ORC4: variants seen among roughly 807,000 people sequenced by gnomAD.
ORC4 encodes origin recognition complex subunit 4.
In ORC4, 55 loss-of-function variants were observed where a neutral mutation model predicts 63.9. The observed-to-expected ratio is 0.86, with a 90% CI of 0.69 to 1.08. The LOEUF is 1.08. Among genes scored for constraint, ORC4 ranks in the 50% least tolerant of loss-of-function variants. ORC4 has a pLI of 0.00. For synonymous variants in ORC4, 150 were observed against 168.5 expected (o/e 0.89, Z 0.85); for missense variants, 511 against 504.4 (o/e 1.01, Z -0.13).
chr2:148,015,684 T>C (rs1328932930), intron 1 of ORC4, among the ~76,000 whole-genome samples: 2 of 152,108 alleles, frequency 1.3e-5, no homozygotes, highest in South Asian at 2.1e-4. Flanking sequence ...CTTTTTTTTT[T>C]TGGCTAATGA....
rs557036971 is a variant in ORC4 at position 147,971,312 on chromosome 2, A to C, written c.225+1427T>G. 1.7e-3 allele frequency among the ~76,000 whole-genome samples: 255 copies of C among 151,732 alleles called. 4 individuals carry two copies. The highest frequency in any genetic ancestry group is 2.8e-4 in the Non-Finnish European group (19 of 67,846). On this transcript the variant is annotated intron_variant, in intron 4 of 13. Coordinates refer to ENST00000392857, the MANE Select transcript of ORC4 (RefSeq NM_181741.4). ...AGTATGAAAAGAATAATATTCTTTT[A>C]ATATTATGAAATAATATTAATAGTA...
chr2:147,946,597 T>C (rs983533452), intron 9 of ORC4, among the ~76,000 whole-genome samples: 1 of 152,036 alleles, frequency 6.6e-6, no homozygotes, highest in Admixed American at 6.6e-5. Context: ...GTAATTGAAA[T>C]ACCCGAGTCT....
At chr2:148,001,429 G>A (rs1692299567) in intron 1 of ORC4, among the ~76,000 whole-genome samples, 1 of 152,106 alleles carries the variant, frequency 6.6e-6, no homozygotes, top group Non-Finnish European at 1.5e-5. Context: ...AGCCCTATAA[G>A]CCAGAAGAGA....
At chr2:147,994,330 T>C (rs1691805082) in intron 1 of ORC4, among the ~76,000 whole-genome samples, 1 of 152,186 alleles carries the variant, frequency 6.6e-6, no homozygotes, top group Admixed American at 6.5e-5. Flanking sequence ...TTCTGGATAG[T>C]TATTTTGTGG....
chr2:147,946,102 A>T (rs1420866806), intron 9 of ORC4, among the ~76,000 whole-genome samples: 1 of 152,110 alleles, frequency 6.6e-6, no homozygotes, highest in African/African-American at 2.4e-5. Flanking sequence ...TTATGCTACT[A>T]ACACATGGTT....
At chr2:147,972,961 G>A (rs1458241378) in intron 3 of ORC4, 132 bp from the exon 4 acceptor site, 1 of 638,320 alleles carries the variant, frequency 1.6e-6, no homozygotes, top group African/African-American at 1.8e-5. Context: ...ACTTGGCCTA[G>A]CTTCTGAATG....
intron 1 of ORC4, among the ~76,000 whole-genome samples, chr2:148,009,631 G>A (rs1692832792): frequency 1.3e-5 from 2 of 152,088 alleles, no homozygotes; most frequent in South Asian, 4.1e-4. Flanking sequence ...AATGACTTGG[G>A]ACTTCAACAG....
In ORC4 at chr2:147,934,227, CA is replaced by C. The variant is rs1687925090; in HGVS notation, c.*1282del. The C allele has an allele frequency of 6.6e-6, 1 of 152,110 alleles. No homozygotes were observed. The highest frequency in any genetic ancestry group is 1.5e-5 in the Non-Finnish European group (1 of 68,016). The allele number at this position is 152,110 out of a possible 1,614,324, so 9.4% of individuals were successfully genotyped here. ...ATAGTTAAATAGATTGTAAGCTGCA[CA>C]AGCATAGGGACAGTCTGTCTTTTGT... On this transcript the variant is annotated 3_prime_UTR_variant, in exon 14 of 14. Transcript: ENST00000392857.
intron 9 of ORC4, among the ~76,000 whole-genome samples, chr2:147,945,949 A>G (rs1688637021): frequency 6.6e-6 from 1 of 152,112 alleles, no homozygotes; most frequent in South Asian, 2.1e-4. Context: ...GGGGAAGAAA[A>G]TATTAGAACT....
chr2:147,955,245 G>A (rs983699437), intron 7 of ORC4, 102 bp downstream of exon 7: 12 of 744,144 alleles, frequency 1.6e-5, no homozygotes, highest in South Asian at 6.6e-5. Context: ...TGTATTTTAT[G>A]AGAGCTTTTT....
intron 1 of ORC4, among the ~76,000 whole-genome samples, chr2:148,010,241 T>C (rs1692874250): frequency 6.6e-6 from 1 of 151,186 alleles, no homozygotes; most frequent in East Asian, 1.9e-4. Context: ...AATCAAAAAG[T>C]AGAAAACCAA....
intron 4 of ORC4, among the ~76,000 whole-genome samples, chr2:147,964,712 AT>A (rs1250974661): frequency 6.6e-6 from 1 of 152,202 alleles, no homozygotes; most frequent in African/African-American, 2.4e-5. Flanking sequence ...CTATAAGGGA[AT>A]CCCTATTATA....
intron 10 of ORC4, 74 bp downstream of exon 10, chr2:147,943,361 AG>A: frequency 1.0e-6 from 1 of 966,764 alleles, no homozygotes; most frequent in Non-Finnish European, 1.7e-6. Context: ...AACCAGTCTG[AG>A]CAACAAAGTG....
At chr2:147,943,319 G>T (rs752652794) in intron 10 of ORC4, 117 bp downstream of exon 10, 1 of 712,696 alleles carries the variant, frequency 1.4e-6, no homozygotes, top group Non-Finnish European at 2.6e-6. Flanking sequence ...GGGAGGCAGA[G>T]GTGGGAGGAT....
chr2:147,998,045 TA>T (rs1340843849), intron 1 of ORC4, among the ~76,000 whole-genome samples: 1 of 151,984 alleles, frequency 6.6e-6, no homozygotes, highest in Non-Finnish European at 1.5e-5. Context: ...TTAGGGAAAA[TA>T]GTTTTGGTAT....
At chr2:147,980,912 C>T (rs1322606391) in intron 1 of ORC4, among the ~76,000 whole-genome samples, 1 of 152,116 alleles carries the variant, frequency 6.6e-6, no homozygotes, top group Non-Finnish European at 1.5e-5. Context: ...AAAGATATAT[C>T]CTCACTCCCA....
chr2:148,016,574 T>C (rs1377874504), intron 1 of ORC4, among the ~76,000 whole-genome samples: 1 of 152,292 alleles, frequency 6.6e-6, no homozygotes, highest in South Asian at 2.1e-4. Flanking sequence ...ACCTCTCAAC[T>C]GACTACCACT....
intron 8 of ORC4, chr2:147,951,712 G>C (rs1255818824): frequency 1.3e-5 from 2 of 152,024 alleles, no homozygotes; most frequent in African/African-American, 4.8e-5. Context: ...ACACAAAATG[G>C]GCCAAGGCAC....
intron 1 of ORC4, among the ~76,000 whole-genome samples, chr2:147,984,005 A>G (rs996364959): frequency 2.0e-5 from 3 of 152,244 alleles, no homozygotes; most frequent in Non-Finnish European, 2.9e-5. Flanking sequence ...TTCTGAATAT[A>G]CAAGACTACT....
Sources: allele counts gnomAD v4.1 joint callset (sites outside exome capture counted in the v4.1 genomes callset), GRCh38; gene constraint gnomAD v4.1.1; transcripts MANE v1.5; gene names NCBI Gene and HGNC (gene_info 2026-07-23, HGNC 2026-07-21).